The following SORCS3 variants were observed in gnomAD, a reference collection of about 807,000 sequenced individuals.
SORCS3 encodes sortilin related VPS10 domain containing receptor 3.
In SORCS3, 57 loss-of-function variants were observed where a neutral mutation model predicts 146.3. That is an observed-to-expected ratio of 0.39 (90% CI 0.31 to 0.49). The LOEUF (loss-of-function observed/expected upper bound fraction) is 0.49, where lower values mean the gene tolerates loss of function less well. Ranked by LOEUF, SORCS3 falls within the 20% of genes least tolerant of loss-of-function variation. SORCS3 has a pLI of 0.92. For missense variants in SORCS3, 1,341 were observed against 1,575.5 expected, an observed-to-expected ratio of 0.85 and a Z score of 2.52; for synonymous variants, 653 against 618.5, an observed-to-expected ratio of 1.06 and a Z score of -0.83.
intron 9 of SORCS3, among the ~76,000 whole-genome samples, chr10:105,149,276 G>T (rs1340258619): frequency 6.6e-6 from 1 of 152,104 alleles, no homozygotes; most frequent in Non-Finnish European, 1.5e-5. Context: ...AAGGCATGGG[G>T]CAAATGAATG....
intron 5 of SORCS3, among the ~76,000 whole-genome samples, chr10:105,054,592 G>A (rs1400068485): frequency 6.7e-6 from 1 of 150,312 alleles, no homozygotes; most frequent in East Asian, 1.9e-4. Context: ...TAAGTAAAAT[G>A]AAATGCAGTG....
chr10:105,128,291 A>G (rs1440767435), intron 7 of SORCS3, among the ~76,000 whole-genome samples: 2 of 152,168 alleles, frequency 1.3e-5, no homozygotes, highest in Admixed American at 6.5e-5. Flanking sequence ...TTGGGGAGGC[A>G]GCAGTGTTTT....
intron 5 of SORCS3, among the ~76,000 whole-genome samples, chr10:105,077,411 A>T (rs532098929): frequency 1.5e-3 from 226 of 152,198 alleles, no homozygotes; most frequent in African/African-American, 5.4e-3. Flanking sequence ...AACCAGAAGG[A>T]TGAAGGGGCA....
intron 4 of SORCS3, among the ~76,000 whole-genome samples, chr10:105,031,460 T>A (rs1027860313): frequency 1.3e-5 from 2 of 152,096 alleles, no homozygotes; most frequent in Non-Finnish European, 2.9e-5. Flanking sequence ...GGATGAAGAA[T>A]CAAAAATTAT....
At chr10:104,790,845 A>T (rs1186615779) in intron 1 of SORCS3, among the ~76,000 whole-genome samples, 1 of 152,224 alleles carries the variant, frequency 6.6e-6, no homozygotes, top group African/African-American at 2.4e-5. Context: ...ATAGTATATG[A>T]GCAATCACTA....
chr10:105,240,287 G>T (rs954517482), intron 20 of SORCS3, among the ~76,000 whole-genome samples: 1 of 152,204 alleles, frequency 6.6e-6, no homozygotes, highest in African/African-American at 2.4e-5. Flanking sequence ...AGAGGGCCAT[G>T]TATGCTACTG....
chr10:105,115,940 C>T (rs966811827), intron 7 of SORCS3, among the ~76,000 whole-genome samples: 11 of 152,286 alleles, frequency 7.2e-5, no homozygotes, highest in Admixed American at 7.2e-4. Context: ...GAAAGAGTTA[C>T]AGAGACAGTC....
chr10:104,688,370 A>AG (rs1317802864), intron 1 of SORCS3, among the ~76,000 whole-genome samples: 6 of 152,072 alleles, frequency 3.9e-5, no homozygotes, highest in South Asian at 4.2e-4. Context: ...GGGCAGTTGG[A>AG]GGGGGGGACC....
At chr10:104,683,986 A>T (rs535897960) in intron 1 of SORCS3, among the ~76,000 whole-genome samples, 10 of 152,344 alleles carry the variant, frequency 6.6e-5, no homozygotes, top group Admixed American at 1.3e-4. Flanking sequence ...AGAAAGCTCT[A>T]TAGTAACAGA....
At chr10:104,787,262 A>G (rs1304222456) in intron 1 of SORCS3, among the ~76,000 whole-genome samples, 1 of 152,110 alleles carries the variant, frequency 6.6e-6, no homozygotes, top group East Asian at 1.9e-4. Context: ...TATACCTGGT[A>G]GGGGGTAAGG....
intron 1 of SORCS3, among the ~76,000 whole-genome samples, chr10:104,723,475 G>T (rs567651427): frequency 4.3e-4 from 66 of 152,232 alleles, no homozygotes; most frequent in Middle Eastern, 3.4e-3. Context: ...GGTGGAGAGT[G>T]CTGTAGATGT....
At chr10:104,651,533 T>TAAAAAAAAAAA (rs34352025) in intron 1 of SORCS3, among the ~76,000 whole-genome samples, 55 of 112,492 alleles carry the variant, frequency 4.9e-4, no homozygotes, top group Non-Finnish European at 6.5e-4. Context: ...CGGGCTCTAC[T>TAAAAAAAAAAA]AAAAAAAAAA....
intron 3 of SORCS3, among the ~76,000 whole-genome samples, chr10:104,925,003 A>G (rs1012434120): frequency 4.6e-5 from 7 of 152,146 alleles, no homozygotes; most frequent in Non-Finnish European, 1.0e-4. Context: ...GTACCTATCA[A>G]CCCGTCATCT....
intron 2 of SORCS3, among the ~76,000 whole-genome samples, chr10:104,865,520 G>A (rs899958872): frequency 6.6e-6 from 1 of 152,020 alleles, no homozygotes; most frequent in African/African-American, 2.4e-5. Context: ...AAAGAGGTTG[G>A]ACCAGAACTA....
intron 9 of SORCS3, among the ~76,000 whole-genome samples, chr10:105,151,498 AG>A (rs1158781059): frequency 2.0e-5 from 3 of 152,142 alleles, no homozygotes; most frequent in Admixed American, 2.0e-4. Flanking sequence ...CTTGACTCAA[AG>A]GTTCAGAGAT....
intron 5 of SORCS3, among the ~76,000 whole-genome samples, chr10:105,074,610 A>G (rs2055577498): frequency 6.6e-6 from 1 of 152,198 alleles, no homozygotes; most frequent in Admixed American, 6.5e-5. Context: ...CCTTGGGGCT[A>G]CTATGGTTAT....
At chr10:104,658,202 T>G (rs1045142564) in intron 1 of SORCS3, among the ~76,000 whole-genome samples, 2 of 152,216 alleles carry the variant, frequency 1.3e-5, no homozygotes, top group Admixed American at 6.5e-5. Flanking sequence ...GAATATATGC[T>G]TCTTCCAAAC....
At chr10:105,257,863 T>A (rs929491467) in intron 25 of SORCS3, among the ~76,000 whole-genome samples, 1 of 152,168 alleles carries the variant, frequency 6.6e-6, no homozygotes, top group Admixed American at 6.5e-5. Flanking sequence ...AACTGTCACA[T>A]AATAGGCCCT....
At chr10:104,958,711 C>CAGTAATTTATAAATTACTG (rs1003833423) in intron 3 of SORCS3, among the ~76,000 whole-genome samples, 14 of 152,094 alleles carry the variant, frequency 9.2e-5, no homozygotes, top group East Asian at 1.9e-4. Flanking sequence ...AAAAAACTAC[C>CAGTAATTTATAAATTACTG]AGTAATTTAT....
Sources: gnomAD v4.1 joint callset for allele counts (sites outside exome capture counted in the v4.1 genomes callset) on GRCh38, gnomAD v4.1.1 for gene constraint, MANE v1.5 for transcripts, NCBI Gene and HGNC (gene_info 2026-07-23, HGNC 2026-07-21) for gene names.